DCBLD2: variants seen among roughly 807,000 people sequenced by gnomAD.
DCBLD2 encodes the protein discoidin, CUB and LCCL domain containing 2, also known as discoidin, CUB and LCCL domain-containing protein 2.
DCBLD2 carries 54 observed loss-of-function variants against 86.8 expected under a neutral mutation model. The ratio of observed to expected loss-of-function variants is 0.62; its 90% CI spans 0.50 to 0.78. DCBLD2 has a LOEUF of 0.78. DCBLD2 is among the 30% of genes least tolerant of loss of function. DCBLD2 has a pLI of 0.00. For synonymous variants in DCBLD2, 354 were observed against 341.3 expected, an observed-to-expected ratio of 1.04 and a Z score of -0.41; for missense variants, 908 against 954.2, an observed-to-expected ratio of 0.95 and a Z score of 0.64.
rs979490346 is a variant in DCBLD2 at position 98,852,435 on chromosome 3, C to T, written c.434-2837G>A. Among the ~76,000 whole-genome samples, 7 of 152,128 alleles carry T rather than the reference C, an allele frequency of 4.6e-5. No homozygotes were observed. In the East Asian group the frequency reaches 1.4e-3, roughly 29 times the overall value. On this transcript the variant is annotated intron_variant, in intron 2 of 15. Transcript: ENST00000326840. ...CTAATTTTTGTATTTTTATTAGAGA[C>T]AGGGTTTCACCGTATTTGCCAGGCT... is the stretch of plus-strand genomic sequence containing the variant.
chr3:98,816,966 G>A (rs1942033813), intron 9 of DCBLD2, among the ~76,000 whole-genome samples: 1 of 152,020 alleles, frequency 6.6e-6, no homozygotes, highest in African/African-American at 2.4e-5. Context: ...TATTTTTAGT[G>A]GAGATGGCGT....
At chr3:98,872,450 T>C (rs1398556699) in intron 2 of DCBLD2, among the ~76,000 whole-genome samples, 2 of 152,198 alleles carry the variant, frequency 1.3e-5, no homozygotes, top group African/African-American at 4.8e-5. Flanking sequence ...TCAGATGAGC[T>C]GTCCACTCTT....
rs555023597 is a variant in DCBLD2 at position 98,805,640 on chromosome 3, C to A, written c.1670+2441G>T. On this transcript the variant is annotated intron_variant, in intron 13 of 15. Transcript: ENST00000326840. Reference sequence around the variant, plus strand: ...TGCTCCTTTACTCCTTGTCATAAAGCCACACTCATCAGTGATTTCAACTAC... The same window carrying A: ...TGCTCCTTTACTCCTTGTCATAAAGACACACTCATCAGTGATTTCAACTAC... 5.7e-4 allele frequency among the ~76,000 whole-genome samples: 87 copies of A among 152,270 alleles called. 1 individual carries two copies. The South Asian group carries it at 0.014, about 24-fold the overall frequency.
At chr3:98,844,360 T>TATTATTATTATC (rs1250547638) in intron 3 of DCBLD2, among the ~76,000 whole-genome samples, 8 of 150,124 alleles carry the variant, frequency 5.3e-5, no homozygotes, top group Admixed American at 1.3e-4. Context: ...TTATTATTAT[T>TATTATTATTATC]ATTATTATTA....
Position 98,800,576 on chromosome 3 carries a change from T to TA in DCBLD2, c.1858+2dup, listed in dbSNP as rs1167911334. ...TGGTACCAGAAGGCTGCAACATAGT[T>TA]ACCTGCAGAGTCAGCCTGCAGCACT... On this transcript the variant is annotated splice_region_variant and intron_variant, in intron 15 of 15. Coordinates refer to ENST00000326840, the MANE Select transcript of DCBLD2 (RefSeq NM_080927.4). 19 of 1,612,036 alleles carry TA rather than the reference T, an allele frequency of 1.2e-5. No individual in the cohort carries two copies. Among genetic ancestry groups the TA allele is most frequent in the Middle Eastern group, 1.6e-4 (1 of 6,066 alleles).
chr3:98,801,763 T>C (rs569393390), intron 13 of DCBLD2, 114 bp from the exon 14 acceptor site: 1 of 679,776 alleles, frequency 1.5e-6, no homozygotes, highest in Non-Finnish European at 2.4e-6. Context: ...TGTCCAAGTG[T>C]TCTCATTGTT....
intron 2 of DCBLD2, among the ~76,000 whole-genome samples, chr3:98,853,001 G>T (rs1332847696): frequency 6.6e-6 from 1 of 152,182 alleles, no homozygotes; most frequent in Non-Finnish European, 1.5e-5. Context: ...CTAGACTTCA[G>T]ATCCATGGGA....
chr3:98,838,803 G>A (rs558856505), intron 3 of DCBLD2, among the ~76,000 whole-genome samples: 190 of 152,236 alleles, frequency 1.2e-3, no homozygotes, highest in Admixed American at 2.3e-3. Context: ...CCGGCACCTC[G>A]GGAGGCTGAG....
In DCBLD2 at chr3:98,901,638, A is replaced by C. The variant is rs887434325; in HGVS notation, c.-312T>G. ...ACGTGCCTCCCGCGCCGCGCTCCTCACCAGGGTCGCCGCTCGCCGCGCTCA... is the reference window on the plus strand; with the variant it reads ...ACGTGCCTCCCGCGCCGCGCTCCTCCCCAGGGTCGCCGCTCGCCGCGCTCA... On this transcript the variant is annotated 5_prime_UTR_variant, in exon 1 of 16. Transcript: ENST00000326840. 4.7e-5 allele frequency: 10 copies of C among 214,434 alleles called. No individual in the cohort carries two copies. Among genetic ancestry groups the C allele is most frequent in the Admixed American group, 4.1e-4 (7 of 16,916 alleles). 13.3% of individuals were successfully genotyped at this position (214,434 alleles called of 1,614,324 possible). A position where few individuals can be genotyped will look rare whatever the true frequency, so the allele number is the denominator to read the frequency against.
intron 2 of DCBLD2, among the ~76,000 whole-genome samples, chr3:98,869,723 C>G (rs1247523317): frequency 6.6e-6 from 1 of 152,202 alleles, no homozygotes; most frequent in African/African-American, 2.4e-5. Context: ...TATTTCTAAA[C>G]AGAACTAACA....
chr3:98,870,804 A>AGAAAGAAG (rs1943266603), intron 2 of DCBLD2, among the ~76,000 whole-genome samples: 1 of 143,424 alleles, frequency 7.0e-6, no homozygotes, highest in Non-Finnish European at 1.6e-5. Context: ...AAAGAAAGAA[A>AGAAAGAAG]GAAAGAAAGG....
intron 1 of DCBLD2, among the ~76,000 whole-genome samples, chr3:98,899,412 C>T (rs1943809842): frequency 6.6e-6 from 1 of 151,858 alleles, no homozygotes; most frequent in Non-Finnish European, 1.5e-5. Context: ...CCACCATGCC[C>T]GGCTAATTTT....
chr3:98,800,048 T>A (rs1277802691), intron 15 of DCBLD2, among the ~76,000 whole-genome samples: 2 of 152,204 alleles, frequency 1.3e-5, no homozygotes, highest in African/African-American at 4.8e-5. Context: ...GAAAGTCTCA[T>A]TCATGTAATT....
intron 2 of DCBLD2, among the ~76,000 whole-genome samples, chr3:98,872,768 A>C (rs1267644031): frequency 6.6e-6 from 1 of 152,170 alleles, no homozygotes; most frequent in Non-Finnish European, 1.5e-5. Context: ...AAACACGAAA[A>C]GACACTTAAA....
chr3:98,820,150 C>T (rs1013152710), intron 7 of DCBLD2, 98 bp downstream of exon 7: 12 of 682,658 alleles, frequency 1.8e-5, no homozygotes, highest in African/African-American at 9.4e-5. Context: ...AAGACAACTA[C>T]GTGAGAAAGT....
At chr3:98,848,980 G>A (rs778422615) in intron 3 of DCBLD2, among the ~76,000 whole-genome samples, 8 of 152,054 alleles carry the variant, frequency 5.3e-5, no homozygotes, top group Non-Finnish European at 1.0e-4. Flanking sequence ...GACCAGCCTG[G>A]CCAACATGTA....
intron 2 of DCBLD2, among the ~76,000 whole-genome samples, chr3:98,855,205 G>A (rs1310347091): frequency 1.3e-5 from 2 of 152,028 alleles, no homozygotes; most frequent in Non-Finnish European, 2.9e-5. Flanking sequence ...TATAAACAAA[G>A]ATATTTAAAT....
intron 12 of DCBLD2, among the ~76,000 whole-genome samples, 164 bp downstream of exon 12, chr3:98,811,030 T>A (rs566884867): frequency 6.6e-6 from 1 of 152,158 alleles, no homozygotes; most frequent in East Asian, 1.9e-4. Context: ...ACAACTTAGA[T>A]CAATGCAGTC....
chr3:98,878,697 G>A (rs1447676162), intron 2 of DCBLD2, among the ~76,000 whole-genome samples: 1 of 152,168 alleles, frequency 6.6e-6, no homozygotes, highest in African/African-American at 2.4e-5. Flanking sequence ...GGACCAGTGG[G>A]TATACGGTAG....
Sources: gnomAD v4.1 joint callset for allele counts (sites outside exome capture counted in the v4.1 genomes callset) on GRCh38, gnomAD v4.1.1 for gene constraint, MANE v1.5 for transcripts, NCBI Gene and HGNC (gene_info 2026-07-23, HGNC 2026-07-21) for gene names.